The following CUBN variants were observed in gnomAD, a reference collection of about 807,000 sequenced individuals.
The protein encoded by CUBN is cubilin.
CUBN carries 282 observed loss-of-function variants against 405.3 expected under a neutral mutation model. The ratio of observed to expected loss-of-function variants is 0.70; its 90% confidence interval spans 0.63 to 0.77. The LOEUF (loss-of-function observed/expected upper bound fraction) is 0.77. Ranked by LOEUF, CUBN falls within the 30% of genes least tolerant of loss-of-function variation. The probability of loss-of-function intolerance (pLI) is 0.00; values close to 1 mark genes in which losing one functional copy is unlikely to be tolerated. For missense variants in CUBN, 4,514 were observed against 4,475.2 expected, an observed-to-expected ratio of 1.01 and a Z score of -0.25; for synonymous variants, 1,684 against 1,617.0, an observed-to-expected ratio of 1.04 and a Z score of -0.99.
chr10:16,918,551 G>A (rs1321983486), intron 45 of CUBN, 71 bp downstream of exon 45: 7 of 1,192,498 alleles, frequency 5.9e-6, no homozygotes, highest in Admixed American at 1.9e-5. Context: ...CCCCAAACAC[G>A]AATTTACCTA....
intron 28 of CUBN, among the ~76,000 whole-genome samples, chr10:17,003,335 C>T (rs372370736): frequency 5.5e-4 from 84 of 152,190 alleles, no homozygotes; most frequent in African/African-American, 1.9e-3. Flanking sequence ...AGAAGGTCTG[C>T]GCCTGAGATT....
In CUBN at chr10:16,825,062, G is replaced by T; in HGVS notation, c.10785C>A (p.Phe3595Leu). The change falls in exon 67 of 67, where the codon TTC becomes TTA. Residue 3595 changes from phenylalanine (F) to leucine (L), a missense_variant. Physicochemically the swap from Phe to Leu is conservative, Grantham distance 22 (BLOSUM62 0). This residue lies in a region of CUBN where 1,186 missense variants were observed against 1,186.9 expected (regional missense o/e 1.00). Coordinates refer to ENST00000377833, the MANE Select transcript of CUBN (RefSeq NM_001081.4). ...YCGGDTSIAP[F>L]VASSNQVFIK... is the part of the protein sequence containing the mutation. ...TGAAGACCTGATTTGAGGAAGCCAC[G>T]AAGGGAGCTATGCTGGTGTCCTAAA... is the stretch of plus-strand genomic sequence containing the variant. 3 of 1,613,046 alleles carry T rather than the reference G, an allele frequency of 1.9e-6. No homozygotes were observed. Among genetic ancestry groups the T allele is most frequent in the South Asian group, 1.1e-5 (1 of 91,042 alleles).
At position 16,851,241 on chromosome 10, in the gene CUBN, A is replaced by G. The variant is rs909187740; in HGVS notation, c.9657T>C (p.Tyr3219=). ...ASTRQRCLYD[Y]VKLYDGDSEN... is the part of the protein sequence containing the mutation. ...AAAAATAAAACAGCCTTACCTTTACATAATCATAAAGGCATCTTTGCCTAG... is the reference window on the plus strand; with the variant it reads ...AAAAATAAAACAGCCTTACCTTTACGTAATCATAAAGGCATCTTTGCCTAG... The change falls in exon 60 of 67, where the codon TAT becomes TAC. Residue 3219 remains tyrosine (Y), a synonymous_variant. Coordinates refer to ENST00000377833, the MANE Select transcript of CUBN (RefSeq NM_001081.4). The G allele has an allele frequency of 6.2e-7, 1 of 1,611,182 alleles. No individual in the cohort carries two copies. Among genetic ancestry groups the G allele is most frequent in the Non-Finnish European group, 8.5e-7 (1 of 1,177,388 alleles).
At chr10:16,887,303 A>T (rs1251344433) in intron 56 of CUBN, among the ~76,000 whole-genome samples, 1 of 152,268 alleles carries the variant, frequency 6.6e-6, no homozygotes, top group Admixed American at 6.5e-5. Flanking sequence ...TAAGCAATTT[A>T]TGCAATACTT....
Position 16,851,451 on chromosome 10 carries a change from A to G in CUBN, c.9455-8T>C. On this transcript the variant is annotated splice_polypyrimidine_tract_variant and splice_region_variant and intron_variant, in intron 59 of 66. Coordinates refer to ENST00000377833, the MANE Select transcript of CUBN (RefSeq NM_001081.4). ...CACATCCTTGCTGAGGCCCTGCATTAAAACAAAGACATCACTATGCAGACC... is the reference window on the plus strand; with the variant it reads ...CACATCCTTGCTGAGGCCCTGCATTGAAACAAAGACATCACTATGCAGACC... The G allele has an allele frequency of 6.2e-7, 1 of 1,613,672 alleles. No homozygotes were observed. The highest frequency in any genetic ancestry group is 8.5e-7 in the Non-Finnish European group (1 of 1,179,566).
chr10:17,127,739 C>T (rs974272004), intron 3 of CUBN, 90 bp downstream of exon 3: 11 of 862,586 alleles, frequency 1.3e-5, no homozygotes, highest in Non-Finnish European at 2.1e-5. Flanking sequence ...AAAGAGCACA[C>T]AAAGTTGGTA....
chr10:16,888,338 G>T, intron 56 of CUBN, 79 bp downstream of exon 56: 2 of 1,162,542 alleles, frequency 1.7e-6, no homozygotes, highest in Non-Finnish European at 2.5e-6. Flanking sequence ...ATGTACATAT[G>T]TCAAAACATG....
At chr10:16,975,624 C>CTTTTTTTTT (rs199779818) in intron 31 of CUBN, among the ~76,000 whole-genome samples, 3 of 124,310 alleles carry the variant, frequency 2.4e-5, no homozygotes, top group Non-Finnish European at 3.2e-5. Context: ...TAAAGACCTT[C>CTTTTTTTTT]TTTTTTTTTT....
intron 25 of CUBN, 89 bp from the exon 26 acceptor site, chr10:17,044,072 T>C (rs947376768): frequency 1.6e-6 from 1 of 628,474 alleles, no homozygotes; most frequent in Non-Finnish European, 2.6e-6. Context: ...GAAGAAAAAA[T>C]ATATATATTT....
At chr10:16,880,398 A>C (rs1469802488) in intron 56 of CUBN, among the ~76,000 whole-genome samples, 4 of 152,202 alleles carry the variant, frequency 2.6e-5, no homozygotes, top group Non-Finnish European at 5.9e-5. Context: ...AGCCAAAGAT[A>C]CTAAACTTAA....
At chr10:16,871,878 T>G (rs527560750) in intron 58 of CUBN, among the ~76,000 whole-genome samples, 1 of 152,308 alleles carries the variant, frequency 6.6e-6, no homozygotes, top group African/African-American at 2.4e-5. Context: ...ACCTAGAATC[T>G]TATCTGTTTC....
At chr10:17,116,764 A>C (rs1836911087) in intron 6 of CUBN, among the ~76,000 whole-genome samples, 1 of 152,146 alleles carries the variant, frequency 6.6e-6, no homozygotes, top group Non-Finnish European at 1.5e-5. Flanking sequence ...CCCCAGAACC[A>C]ATTGCTGGGG....
intron 15 of CUBN, among the ~76,000 whole-genome samples, chr10:17,087,088 C>T (rs944411850): frequency 1.3e-5 from 2 of 152,182 alleles, no homozygotes; most frequent in African/African-American, 4.8e-5. Flanking sequence ...ACTTGCAGAG[C>T]CCCTTTTTGA....
rs150200538 is a variant in CUBN at position 16,868,827 on chromosome 10, A to T, written c.9454+809T>A. Among the ~76,000 whole-genome samples the T allele has an allele frequency of 1.2e-3, 178 of 152,248 alleles. 1 individual carries two copies. Among genetic ancestry groups the T allele is most frequent in the African/African-American group, 4.1e-3 (172 of 41,562 alleles). ...TTCTCAAGCATCAGCTTCCAACTAG[A>T]CAGCTCCATTTAAACAGGTCTTCCA... is the stretch of plus-strand genomic sequence containing the variant. On this transcript the variant is annotated intron_variant, in intron 59 of 66. Coordinates refer to ENST00000377833, the MANE Select transcript of CUBN (RefSeq NM_001081.4).
chr10:17,070,212 G>A (rs2130804), intron 19 of CUBN, among the ~76,000 whole-genome samples: 44,449 of 152,030 alleles, frequency 0.29, 7,631 homozygotes, highest in African/African-American at 0.47. Flanking sequence ...TTGCAATTGT[G>A]TTCCATAGAT....
At chr10:17,085,318 G>C (rs1564509396) in intron 16 of CUBN, among the ~76,000 whole-genome samples, 1 of 152,126 alleles carries the variant, frequency 6.6e-6, no homozygotes, top group South Asian at 2.1e-4. Context: ...AACACCACGA[G>C]GGACCTGGTG....
At chr10:17,068,799 T>A in intron 19 of CUBN, 29 bp from the exon 20 acceptor site, 1 of 1,547,456 alleles carries the variant, frequency 6.5e-7, no homozygotes, top group Non-Finnish European at 8.9e-7. Flanking sequence ...TGTTCAAATA[T>A]GTTGTATATC....
intron 14 of CUBN, among the ~76,000 whole-genome samples, chr10:17,090,407 G>GA (rs897929700): frequency 1.2e-4 from 18 of 146,764 alleles, no homozygotes; most frequent in Admixed American, 2.7e-4. Flanking sequence ...GAAGGGACAG[G>GA]AAAAAAAAAA....
intron 28 of CUBN, among the ~76,000 whole-genome samples, chr10:16,999,107 A>C (rs1001082674): frequency 6.6e-6 from 1 of 152,224 alleles, no homozygotes; most frequent in Admixed American, 6.5e-5. Context: ...CAGATACAAG[A>C]AGCTTAGAAA....
Sources: gnomAD v4.1 joint callset for allele counts (sites outside exome capture counted in the v4.1 genomes callset) on GRCh38, gnomAD v4.1.1 for gene constraint, gnomAD v4.1.1 regional missense constraint, MANE v1.5 for transcripts, NCBI Gene and HGNC (gene_info 2026-07-23, HGNC 2026-07-21) for gene names.